FAM9C: variants seen among roughly 807,000 people sequenced by gnomAD.
The protein encoded by FAM9C is family with sequence similarity 9 member C, also known as protein FAM9C.
In FAM9C, 15 loss-of-function variants were observed where a neutral mutation model predicts 14.8. The ratio of observed to expected loss-of-function variants is 1.02; its 90% CI spans 0.68 to 1.56. The LOEUF (loss-of-function observed/expected upper bound fraction) is 1.56, where lower values mean the gene tolerates loss of function less well. Ranked by LOEUF, FAM9C falls within the 40% of genes most tolerant of loss-of-function variation. FAM9C has a pLI of 0.00. For missense variants in FAM9C, 116 were observed against 118.0 expected (o/e 0.98, Z 0.08); for synonymous variants, 45 against 37.5 (o/e 1.20, Z -0.74).
chrX:13,043,764 A>G lies in FAM9C; in HGVS notation c.26T>C (p.Val9Ala), dbSNP rs775670760. Reference sequence around the variant, plus strand: ...CATTTCCTGGGCGGCCATAACTTGAACCTCCAACTGGTCCTTGGCAGCCAT... The same window carrying G: ...CATTTCCTGGGCGGCCATAACTTGAGCCTCCAACTGGTCCTTGGCAGCCAT... MAAKDQLEVQVMAAQEMEL... is the reference protein window; with the variant it reads MAAKDQLEAQVMAAQEMEL... The change falls in exon 2 of 8, where the codon GTT becomes GCT. Residue 9 changes from valine (V) to alanine (A), a missense_variant. By Grantham distance (64) the Val-to-Ala change is moderately conservative. Transcript: ENST00000380625. 1.7e-6 allele frequency: 2 copies of G among 1,210,856 alleles called. No homozygotes were observed. The highest frequency in any genetic ancestry group is 2.2e-6 in the Non-Finnish European group (2 of 895,106).
chrX:13,040,960 C>T (rs2043521460), intron 4 of FAM9C, 88 bp from the exon 5 acceptor site: 1 of 442,610 alleles, frequency 2.3e-6, no homozygotes. Flanking sequence ...CTTGATGGTT[C>T]AGCAATATCA....
intron 7 of FAM9C, 92 bp downstream of exon 7, chrX:13,038,324 T>C (rs2043495851): frequency 2.8e-6 from 2 of 713,149 alleles, no homozygotes; most frequent in African/African-American, 4.5e-5. Flanking sequence ...CAAAATGTCT[T>C]TCCATACATT....
intron 2 of FAM9C, 96 bp from the exon 3 acceptor site, chrX:13,043,344 T>C (rs948079518): frequency 9.6e-7 from 1 of 1,040,691 alleles, no homozygotes; most frequent in Non-Finnish European, 1.3e-6. Context: ...CTTTTTTGGC[T>C]CTCCGCCAAT....
At chrX:13,039,165 T>C (rs1490816726) in intron 6 of FAM9C, among the ~76,000 whole-genome samples, 1 of 111,897 alleles carries the variant, frequency 8.9e-6, no homozygotes. Context: ...TCCTTTCGTA[T>C]ATAAAGTAAC....
At chrX:13,036,660 C>T (rs1267245913) in intron 7 of FAM9C, 1 of 111,436 alleles carries the variant, frequency 9.0e-6, no homozygotes, top group African/African-American at 3.3e-5. Context: ...GAAAACATAA[C>T]TATGTTTGAA....
chrX:13,042,821 A>T, intron 4 of FAM9C, 97 bp downstream of exon 4: 1 of 928,760 alleles, frequency 1.1e-6, no homozygotes, highest in Non-Finnish European at 1.6e-6. Flanking sequence ...GAAGGCATTT[A>T]AGACAGTCTT....
intron 7 of FAM9C, chrX:13,036,918 C>CAAA (rs1220638246): frequency 2.1e-5 from 2 of 94,736 alleles, no homozygotes; most frequent in Non-Finnish European, 4.3e-5. Flanking sequence ...TTCAATCGAT[C>CAAA]AAAAAAAAAA....
At chrX:13,040,399 G>A (rs1363604313) in intron 5 of FAM9C, 6 of 512,671 alleles carry the variant, frequency 1.2e-5, no homozygotes, top group Non-Finnish European at 1.2e-5. Flanking sequence ...TACAACACAA[G>A]GTTATCCCTT....
intron 1 of FAM9C, among the ~76,000 whole-genome samples, chrX:13,044,321 A>C (rs867553245): frequency 0.013 from 957 of 76,264 alleles, no homozygotes; most frequent in African/African-American, 0.014. Context: ...TGACCCCCCG[A>C]CCCCCCCCCA....
chrX:13,043,941 G>A, intron 1 of FAM9C, 84 bp from the exon 2 acceptor site: 3 of 540,546 alleles, frequency 5.5e-6, no homozygotes, highest in Non-Finnish European at 9.2e-6. Context: ...GTTCAAGGGC[G>A]CCCCGGGTCT....
chrX:13,037,585 C>A (rs2043489832), intron 7 of FAM9C: 1 of 112,844 alleles, frequency 8.9e-6, no homozygotes, highest in Non-Finnish European at 1.9e-5. Context: ...TTTTCAAACT[C>A]TTTTCCCAGT....
At chrX:13,038,307 G>T (rs2043495725) in intron 7 of FAM9C, 109 bp downstream of exon 7, 1 of 593,832 alleles carries the variant, frequency 1.7e-6, no homozygotes, top group Non-Finnish European at 2.5e-6. Flanking sequence ...AATTTAAAAT[G>T]TATAACCAAA....
At chrX:13,043,685 G>C in intron 2 of FAM9C, 44 bp downstream of exon 2, 16 of 1,198,567 alleles carry the variant, frequency 1.3e-5, no homozygotes, top group Non-Finnish European at 1.8e-5. Context: ...CAGACAGACT[G>C]TTGGGCGTGC....
At chrX:13,036,338 G>T (rs2043479872) in intron 7 of FAM9C, 1 of 111,917 alleles carries the variant, frequency 8.9e-6, no homozygotes, top group African/African-American at 3.2e-5. Context: ...AAAGGATGCT[G>T]GTCATTTATT....
intron 4 of FAM9C, chrX:13,042,183 T>C (rs1353643981): frequency 8.9e-6 from 1 of 112,355 alleles, no homozygotes; most frequent in African/African-American, 3.2e-5. Flanking sequence ...TTGGATCCAA[T>C]TGTATGCTTC....
intron 4 of FAM9C, 137 bp downstream of exon 4, chrX:13,042,781 A>G: frequency 1.5e-6 from 1 of 669,085 alleles, no homozygotes; most frequent in Middle Eastern, 3.1e-4. Flanking sequence ...AAATTATTAA[A>G]CAGATTACAT....
At position 13,038,507 on chromosome X, in the gene FAM9C, G is replaced by C; in HGVS notation, c.439-4C>G. On this transcript the variant is annotated splice_region_variant and splice_polypyrimidine_tract_variant and intron_variant, in intron 6 of 7. Transcript: ENST00000380625. Reference sequence around the variant, plus strand: ...TTTGTTGCTCTTGAAATATTTTCTAGAGGCACAAAACAAAAAAGTGATTAA... The same window carrying C: ...TTTGTTGCTCTTGAAATATTTTCTACAGGCACAAAACAAAAAAGTGATTAA... 8.3e-7 allele frequency: 1 copy of C among 1,200,691 alleles called. No individual in the cohort carries two copies. The highest frequency in any genetic ancestry group is 1.8e-5 in the South Asian group (1 of 54,767).
chrX:13,037,160 G>A (rs2043486629), intron 7 of FAM9C: 1 of 112,354 alleles, frequency 8.9e-6, no homozygotes, highest in South Asian at 3.7e-4. Context: ...TTTAGGAAGG[G>A]AAGAGTTTTA....
intron 5 of FAM9C, 28 bp downstream of exon 5, chrX:13,040,730 C>G: frequency 2.0e-6 from 2 of 977,181 alleles, no homozygotes; most frequent in Non-Finnish European, 2.8e-6. Context: ...ATATAAATAT[C>G]ATTATTCAAA....
Sources: gnomAD v4.1 joint callset for allele counts (sites outside exome capture counted in the v4.1 genomes callset) on GRCh38, gnomAD v4.1.1 for gene constraint, MANE v1.5 for transcripts, NCBI Gene and HGNC (gene_info 2026-07-23, HGNC 2026-07-21) for gene names.